The following MACROD2 variants were observed in gnomAD, a reference collection of about 807,000 sequenced individuals.
MACROD2 encodes ADP-ribose glycohydrolase MACROD2.
MACROD2 carries 36 observed loss-of-function variants against 70.4 expected under a neutral mutation model. That is an observed-to-expected ratio of 0.51 (90% CI 0.39 to 0.68). The LOEUF (loss-of-function observed/expected upper bound fraction) is 0.68. Among genes scored for constraint, MACROD2 ranks in the 30% least tolerant of loss-of-function variants. MACROD2 has a pLI of 0.00. For missense variants in MACROD2, 496 were observed against 538.4 expected (o/e 0.92, Z 0.78); for synonymous variants, 172 against 178.8 (o/e 0.96, Z 0.30).
chr20:15,507,740 G>C (rs904118994), intron 8 of MACROD2, among the ~76,000 whole-genome samples: 1 of 152,090 alleles, frequency 6.6e-6, no homozygotes, highest in Non-Finnish European at 1.5e-5. Flanking sequence ...CAGATCCACC[G>C]ACACTTCCAG....
intron 5 of MACROD2, among the ~76,000 whole-genome samples, chr20:14,831,780 CAAAA>C (rs71190151): frequency 7.0e-4 from 26 of 37,172 alleles, no homozygotes; most frequent in African/African-American, 2.3e-3. Context: ...AACTCCGTCT[CAAAA>C]AAAAAAAAAA....
At chr20:14,302,934 G>A (rs1037679639) in intron 3 of MACROD2, among the ~76,000 whole-genome samples, 2 of 152,152 alleles carry the variant, frequency 1.3e-5, no homozygotes, top group African/African-American at 4.8e-5. Flanking sequence ...CTACAGGTGT[G>A]AGCCACCGTG....
At chr20:15,875,541 C>G (rs187334599) in intron 9 of MACROD2, among the ~76,000 whole-genome samples, 18 of 152,078 alleles carry the variant, frequency 1.2e-4, no homozygotes, top group Admixed American at 1.2e-3. Context: ...TGATGGGCCT[C>G]AAAAGCTGCA....
chr20:15,667,176 G>A (rs766684300), intron 8 of MACROD2, among the ~76,000 whole-genome samples: 2 of 152,136 alleles, frequency 1.3e-5, no homozygotes. Context: ...GCCTGGTGCT[G>A]TTTTAATGAT....
At chr20:15,368,301 A>T (rs923559215) in intron 6 of MACROD2, among the ~76,000 whole-genome samples, 1 of 151,964 alleles carries the variant, frequency 6.6e-6, no homozygotes, top group East Asian at 1.9e-4. Context: ...CCAGGTAGTT[A>T]TGCTTTTCTA....
chr20:14,607,061 A>C lies in MACROD2; in HGVS notation c.302-77782A>C, dbSNP rs185263146. On this transcript the variant is annotated intron_variant, in intron 4 of 17. Coordinates refer to ENST00000684519, the MANE Select transcript of MACROD2 (RefSeq NM_001351661.2). Reference sequence around the variant, plus strand: ...TTTGCATTTTGAGATACCATATCTTAATGTCATCTTTTGACTTTTACGCCA... The same window carrying C: ...TTTGCATTTTGAGATACCATATCTTCATGTCATCTTTTGACTTTTACGCCA... 1.9e-3 allele frequency among the ~76,000 whole-genome samples: 286 copies of C among 152,262 alleles called. 2 individuals are homozygous for C. Among genetic ancestry groups the C allele is most frequent in the African/African-American group, 6.8e-3 (282 of 41,550 alleles).
chr20:15,965,164 T>A (rs951250427), intron 12 of MACROD2, among the ~76,000 whole-genome samples: 2 of 152,210 alleles, frequency 1.3e-5, no homozygotes, highest in African/African-American at 4.8e-5. Flanking sequence ...AAAATAATAG[T>A]GCAAAGAACA....
chr20:14,179,327 T>C (rs1325327789), intron 3 of MACROD2, among the ~76,000 whole-genome samples: 1 of 152,214 alleles, frequency 6.6e-6, no homozygotes, highest in Non-Finnish European at 1.5e-5. Flanking sequence ...TGAAAGTAGA[T>C]AGCTAGTATT....
intron 8 of MACROD2, among the ~76,000 whole-genome samples, chr20:15,758,624 C>CA (rs2051385826): frequency 6.6e-6 from 1 of 151,100 alleles, no homozygotes; most frequent in South Asian, 2.1e-4. Context: ...ACTGCAGCCT[C>CA]AAACTCCTTG....
intron 8 of MACROD2, among the ~76,000 whole-genome samples, chr20:15,538,223 C>T (rs2047903201): frequency 6.6e-6 from 1 of 152,156 alleles, no homozygotes; most frequent in South Asian, 2.1e-4. Flanking sequence ...TGAACATTTA[C>T]TGAGTGCCTA....
chr20:15,305,708 A>G (rs993723580), intron 6 of MACROD2, among the ~76,000 whole-genome samples: 2 of 152,050 alleles, frequency 1.3e-5, no homozygotes, highest in East Asian at 3.9e-4. Context: ...CTTGAGTAGC[A>G]TGTGTGGTAG....
At chr20:14,488,676 G>T (rs1451999413) in intron 3 of MACROD2, among the ~76,000 whole-genome samples, 1 of 152,160 alleles carries the variant, frequency 6.6e-6, no homozygotes. Context: ...ATATTGTATG[G>T]TGGGTTCTTC....
intron 6 of MACROD2, among the ~76,000 whole-genome samples, chr20:15,388,088 A>T (rs1316720916): frequency 6.6e-6 from 1 of 151,990 alleles, no homozygotes; most frequent in African/African-American, 2.4e-5. Context: ...ATCTGAAAGG[A>T]CTTCTTGGAA....
At chr20:14,860,374 T>C (rs140694086) in intron 5 of MACROD2, among the ~76,000 whole-genome samples, 16 of 152,054 alleles carry the variant, frequency 1.1e-4, no homozygotes, top group African/African-American at 3.9e-4. Context: ...CAAAGCAATC[T>C]GTGTGATAAT....
chr20:14,974,221 C>T (rs980712856), intron 5 of MACROD2, among the ~76,000 whole-genome samples: 24 of 152,078 alleles, frequency 1.6e-4, no homozygotes, highest in African/African-American at 4.8e-4. Flanking sequence ...CTCAGGGACC[C>T]GACCACCTCT....
intron 4 of MACROD2, among the ~76,000 whole-genome samples, chr20:14,539,528 C>G (rs1233484744): frequency 6.6e-6 from 1 of 152,074 alleles, no homozygotes; most frequent in Non-Finnish European, 1.5e-5. Flanking sequence ...CCCTGAAAAC[C>G]AGCTATTAAT....
chr20:15,342,551 G>C (rs1197093720), intron 6 of MACROD2, among the ~76,000 whole-genome samples: 1 of 152,168 alleles, frequency 6.6e-6, no homozygotes, highest in African/African-American at 2.4e-5. Context: ...AAATGTATGG[G>C]ATGGGGACAA....
chr20:15,698,843 C>G (rs1170829829), intron 8 of MACROD2, among the ~76,000 whole-genome samples: 2 of 152,088 alleles, frequency 1.3e-5, no homozygotes, highest in South Asian at 2.1e-4. Flanking sequence ...CTCTGGATTT[C>G]TTTCTTCTAC....
chr20:15,291,638 A>C (rs1275310092), intron 6 of MACROD2, among the ~76,000 whole-genome samples: 1 of 152,174 alleles, frequency 6.6e-6, no homozygotes, highest in Non-Finnish European at 1.5e-5. Context: ...AAATGGTTAG[A>C]CTGTCTTTTG....
Sources: allele counts gnomAD v4.1 joint callset (sites outside exome capture counted in the v4.1 genomes callset), GRCh38; gene constraint gnomAD v4.1.1; transcripts MANE v1.5; gene names NCBI Gene and HGNC (gene_info 2026-07-23, HGNC 2026-07-21).